The following GALNT11 variants were observed in gnomAD, a reference collection of about 807,000 sequenced individuals.
The protein encoded by GALNT11 is UDP-GalNAc:polypeptide N-acetylgalactosaminyltransferase 11.
Under a neutral mutation model 72.7 loss-of-function variants are expected in GALNT11, and 47 were observed. The ratio of observed to expected loss-of-function variants is 0.65; its 90% confidence interval spans 0.51 to 0.82. GALNT11 has a LOEUF of 0.82. GALNT11 is among the 40% of genes least tolerant of loss of function. The probability of loss-of-function intolerance (pLI) is 0.00; values close to 1 mark genes in which losing one functional copy is unlikely to be tolerated. For missense variants in GALNT11, 677 were observed against 778.4 expected (o/e 0.87, Z 1.55); for synonymous variants, 270 against 286.6 (o/e 0.94, Z 0.58).
chr7:152,078,733 T>G (rs181287592), intron 1 of GALNT11, among the ~76,000 whole-genome samples: 2 of 152,372 alleles, frequency 1.3e-5, no homozygotes, highest in East Asian at 3.9e-4. Flanking sequence ...TAACAAGTGA[T>G]GAATTACATG....
At chr7:152,100,679 G>T in intron 2 of GALNT11, 119 bp from the exon 3 acceptor site, 1 of 1,280,916 alleles carries the variant, frequency 7.8e-7, no homozygotes, top group Non-Finnish European at 1.1e-6. Context: ...CTAAGTTTGA[G>T]AAAAGAGATA....
chr7:152,114,562 C>CTT (rs56851473), intron 8 of GALNT11, among the ~76,000 whole-genome samples: 16 of 142,972 alleles, frequency 1.1e-4, no homozygotes, highest in Admixed American at 1.4e-4. Flanking sequence ...GTTGTTTCCA[C>CTT]TTTTTTTTTT....
At chr7:152,075,752 C>T (rs1000086517) in intron 1 of GALNT11, among the ~76,000 whole-genome samples, 10 of 150,128 alleles carry the variant, frequency 6.7e-5, no homozygotes, top group African/African-American at 2.5e-4. Context: ...GCTGAGATTG[C>T]GCTGTTGCAC....
rs965914050 is a variant in GALNT11 at position 152,117,306 on chromosome 7, C to T, written c.1383C>T (p.His461=). The change falls in exon 9 of 12, where the codon CAC becomes CAT. Residue 461 remains histidine, a synonymous_variant. Transcript: ENST00000430044. Reference sequence around the variant, plus strand: ...CAGAGATGCAGATATCTGGGTCCCACGCCAAACCCCAACAACCCATTTTTG... The same window carrying T: ...CAGAGATGCAGATATCTGGGTCCCATGCCAAACCCCAACAACCCATTTTTG... ...VYPEMQISGS[H]AKPQQPIFVN... is the part of the protein sequence containing the mutation. 1.6e-5 allele frequency: 26 copies of T among 1,614,026 alleles called. No homozygotes were observed. Among genetic ancestry groups the T allele is most frequent in the Non-Finnish European group, 1.9e-5 (23 of 1,180,032 alleles).
intron 1 of GALNT11, among the ~76,000 whole-genome samples, chr7:152,052,327 A>G (rs1176049469): frequency 1.3e-5 from 2 of 152,088 alleles, no homozygotes; most frequent in East Asian, 1.9e-4. Flanking sequence ...GTTCACAGGT[A>G]TCTGACCCGT....
At chr7:152,084,380 TA>T (rs11447244) in intron 1 of GALNT11, among the ~76,000 whole-genome samples, 1,778 of 105,334 alleles carry the variant, frequency 0.017, 13 homozygotes, top group African/African-American at 0.028. Flanking sequence ...CCTGTCTCTT[TA>T]AAAAAAAAAA....
intron 8 of GALNT11, among the ~76,000 whole-genome samples, chr7:152,113,620 G>A (rs956435639): frequency 4.0e-5 from 6 of 148,466 alleles, no homozygotes; most frequent in Admixed American, 4.0e-4. Flanking sequence ...TACTCCATAA[G>A]AAGTAATGCG....
chr7:152,102,490 C>T (rs914061785), intron 3 of GALNT11, among the ~76,000 whole-genome samples: 24 of 151,748 alleles, frequency 1.6e-4, no homozygotes, highest in African/African-American at 5.6e-4. Context: ...TGCAGTGAGC[C>T]GAGATCGCGC....
In GALNT11 at chr7:152,108,248, C is replaced by G. The variant is rs749514801; in HGVS notation, c.923C>G (p.Ser308Cys). The G allele has an allele frequency of 6.2e-7, 1 of 1,613,980 alleles. No individual in the cohort carries two copies. Among genetic ancestry groups the G allele is most frequent in the Non-Finnish European group, 8.5e-7 (1 of 1,179,822 alleles). Residue 308 changes from serine to cysteine, a missense_variant, in exon 6 of 12, where the codon TCT becomes TGT. Physicochemically the swap from Ser to Cys is moderately radical, Grantham distance 112. Transcript: ENST00000430044. ...LHFKWDLVPL[S>C]ELGRAEGATA... The stretch of plus-strand genomic sequence containing the variant: ...TTCAAATGGGATCTTGTCCCCCTTT[C>G]TGAGCTAGGACGAGCGGAGGGAGCC...
Position 152,121,805 on chromosome 7 carries a change from C to A in GALNT11, c.*128C>A. 1 of 1,208,972 alleles carries A rather than the reference C, an allele frequency of 8.3e-7. No individual in the cohort carries two copies. The highest frequency in any genetic ancestry group is 1.1e-6 in the Non-Finnish European group (1 of 874,516). 74.9% of individuals were successfully genotyped at this position (1,208,972 alleles called of 1,614,324 possible). ...AGAAGATGACAGTTCCCTGTCCTCC[C>A]GGAGATGCCTGGGTGTGTTAGCAGA... is the stretch of plus-strand genomic sequence containing the variant. On this transcript the variant is annotated 3_prime_UTR_variant, in exon 12 of 12. Coordinates refer to ENST00000430044, the MANE Select transcript of GALNT11 (RefSeq NM_022087.4).
At position 152,052,712 on chromosome 7, in the gene GALNT11, A is replaced by G. The variant is rs145760303; in HGVS notation, c.-39+26828A>G. On this transcript the variant is annotated intron_variant, in intron 1 of 11. Coordinates refer to ENST00000430044, the MANE Select transcript of GALNT11 (RefSeq NM_022087.4). Reference sequence around the variant, plus strand: ...TCCTCCACACAGTCCTTAAATGTACATGTTCCCAGAGGTTCAGTTACTTAA... The same window carrying G: ...TCCTCCACACAGTCCTTAAATGTACGTGTTCCCAGAGGTTCAGTTACTTAA... Among the ~76,000 whole-genome samples the G allele has an allele frequency of 1.1e-3, 171 of 152,226 alleles. 1 individual carries two copies. Among genetic ancestry groups the G allele is most frequent in the African/African-American group, 4.0e-3 (165 of 41,538 alleles).
Position 152,096,474 on chromosome 7 carries a change from T to C in GALNT11, c.295+1952T>C, listed in dbSNP as rs553704578. ...GCTGATGCCTGTAATCTCAGCACTT[T>C]GGGAGGCTGAGGTGGGTGGATCACC... On this transcript the variant is annotated intron_variant, in intron 2 of 11. Transcript: ENST00000430044. Among the ~76,000 whole-genome samples the C allele has an allele frequency of 7.2e-5, 11 of 152,212 alleles. No homozygotes were observed. The South Asian group carries it at 1.7e-3, about 23-fold the overall frequency.
At chr7:152,053,014 TCTC>T (rs1245908996) in intron 1 of GALNT11, among the ~76,000 whole-genome samples, 2 of 152,244 alleles carry the variant, frequency 1.3e-5, no homozygotes, top group Non-Finnish European at 2.9e-5. Context: ...TGCGGGCAGT[TCTC>T]CTGCTGGTCC....
intron 1 of GALNT11, among the ~76,000 whole-genome samples, chr7:152,040,610 A>G (rs1408846799): frequency 6.6e-6 from 1 of 151,960 alleles, no homozygotes; most frequent in Admixed American, 6.5e-5. Flanking sequence ...GGTGCATTCT[A>G]CTCCTAACTG....
At chr7:152,084,755 C>G (rs1233247142) in intron 1 of GALNT11, among the ~76,000 whole-genome samples, 1 of 152,252 alleles carries the variant, frequency 6.6e-6, no homozygotes, top group East Asian at 1.9e-4. Context: ...ATTATACAAA[C>G]AAGTATGTAT....
intron 10 of GALNT11, 87 bp from the exon 11 acceptor site, chr7:152,120,744 T>TA: frequency 8.3e-7 from 1 of 1,206,158 alleles, no homozygotes; most frequent in Non-Finnish European, 1.2e-6. Context: ...TTTGAGACCT[T>TA]ACAGAATCAA....
chr7:152,103,100 T>G lies in GALNT11; in HGVS notation c.420-12T>G, dbSNP rs1262287888. The G allele has an allele frequency of 1.0e-5, 16 of 1,589,314 alleles. No individual in the cohort carries two copies. The highest frequency in any genetic ancestry group is 1.4e-5 in the Non-Finnish European group (16 of 1,160,882). ...TTAAAATGTCAGAATTTCCTCATCT[T>G]TATCTTTACAGATGTAAAGAAAAGT... On this transcript the variant is annotated splice_polypyrimidine_tract_variant and intron_variant, in intron 3 of 11. Transcript: ENST00000430044.
chr7:152,058,656 A>T (rs2083829562), intron 1 of GALNT11, among the ~76,000 whole-genome samples: 1 of 152,178 alleles, frequency 6.6e-6, no homozygotes, highest in South Asian at 2.1e-4. Context: ...AATAAGACGG[A>T]AGTAAAGTCT....
chr7:152,035,019 G>C (rs962824329), intron 1 of GALNT11, among the ~76,000 whole-genome samples: 8 of 152,184 alleles, frequency 5.3e-5, no homozygotes, highest in Non-Finnish European at 1.2e-4. Context: ...AAATGAAGTG[G>C]AGGGCCATAT....
Sources: gnomAD v4.1 joint callset for allele counts (sites outside exome capture counted in the v4.1 genomes callset) on GRCh38, gnomAD v4.1.1 for gene constraint, MANE v1.5 for transcripts, NCBI Gene and HGNC (gene_info 2026-07-23, HGNC 2026-07-21) for gene names.